The following SCFD2 variants were observed in gnomAD, a reference collection of about 807,000 sequenced individuals.
SCFD2 encodes sec1 family domain containing 2.
A neutral mutation model predicts 58.9 loss-of-function variants in SCFD2; 54 were observed. That is an observed-to-expected ratio of 0.92 (90% CI 0.74 to 1.15). The LOEUF is 1.15. Among genes scored for constraint, SCFD2 ranks in the 50% most tolerant of loss-of-function variants. SCFD2 has a pLI of 0.00. For missense variants in SCFD2, 805 were observed against 836.6 expected (o/e 0.96, Z 0.47); for synonymous variants, 321 against 335.9 (o/e 0.96, Z 0.49).
At chr4:52,928,359 G>A (rs1282171733) in intron 5 of SCFD2, among the ~76,000 whole-genome samples, 1 of 152,114 alleles carries the variant, frequency 6.6e-6, no homozygotes, top group Non-Finnish European at 1.5e-5. Flanking sequence ...TAGGTTGTCA[G>A]ACATCAGGTT....
chr4:52,947,527 A>G (rs987759575), intron 5 of SCFD2, among the ~76,000 whole-genome samples: 1 of 152,194 alleles, frequency 6.6e-6, no homozygotes, highest in African/African-American at 2.4e-5. Flanking sequence ...GAACAGACTC[A>G]TTATACATAT....
intron 5 of SCFD2, among the ~76,000 whole-genome samples, chr4:53,010,002 C>T (rs1159694857): frequency 4.6e-5 from 7 of 152,190 alleles, no homozygotes; most frequent in Non-Finnish European, 7.3e-5. Context: ...GCTTGGAGCA[C>T]ATCACCTTCT....
At chr4:53,095,047 T>C (rs1445637814) in intron 5 of SCFD2, among the ~76,000 whole-genome samples, 2 of 152,178 alleles carry the variant, frequency 1.3e-5, no homozygotes, top group Non-Finnish European at 2.9e-5. Context: ...TGGTTGCTGC[T>C]TCTCAATTTC....
chr4:53,361,303 C>T (rs932752142), intron 1 of SCFD2, among the ~76,000 whole-genome samples: 1 of 152,204 alleles, frequency 6.6e-6, no homozygotes, highest in Admixed American at 6.5e-5. Flanking sequence ...TAAGGAACAA[C>T]TTTTGAGCCT....
chr4:53,209,640 CTG>C (rs1055009081), intron 4 of SCFD2, among the ~76,000 whole-genome samples: 8 of 152,056 alleles, frequency 5.3e-5, no homozygotes, highest in Non-Finnish European at 1.2e-4. Flanking sequence ...TTGCTAGACA[CTG>C]TGTTAAGAGT....
At chr4:53,255,564 G>A (rs1456861201) in intron 4 of SCFD2, among the ~76,000 whole-genome samples, 4 of 152,008 alleles carry the variant, frequency 2.6e-5, no homozygotes, top group Admixed American at 6.5e-5. Flanking sequence ...CAAGGCAGAA[G>A]AATTTTTCTT....
At chr4:53,111,870 G>T (rs541229303) in intron 5 of SCFD2, among the ~76,000 whole-genome samples, 1 of 152,196 alleles carries the variant, frequency 6.6e-6, no homozygotes, top group South Asian at 2.1e-4. Flanking sequence ...GGGAGTAACT[G>T]CATGCTTGGC....
intron 8 of SCFD2, among the ~76,000 whole-genome samples, chr4:52,878,373 C>T (rs1032322660): frequency 6.6e-6 from 1 of 152,144 alleles, no homozygotes; most frequent in South Asian, 2.1e-4. Flanking sequence ...CCTCTCCATT[C>T]GATGAAAAAC....
At chr4:53,026,372 A>T (rs1332662666) in intron 5 of SCFD2, among the ~76,000 whole-genome samples, 1 of 152,238 alleles carries the variant, frequency 6.6e-6, no homozygotes, top group African/African-American at 2.4e-5. Flanking sequence ...TCCGACGCCT[A>T]GCACAATGCC....
chr4:53,007,960 T>A lies in SCFD2; in HGVS notation c.1562-87090A>T, dbSNP rs74665730. Among the ~76,000 whole-genome samples, 186 of 152,280 alleles carry A rather than the reference T, an allele frequency of 1.2e-3. 7 individuals are homozygous for A. The East Asian group carries it at 0.035, about 29-fold the overall frequency. Reference sequence around the variant, plus strand: ...AAGATGAACATGAGCTGGGCTCTAATGAATGATGTTCCTGGCTGGAGAGCA... The same window carrying A: ...AAGATGAACATGAGCTGGGCTCTAAAGAATGATGTTCCTGGCTGGAGAGCA... On this transcript the variant is annotated intron_variant, in intron 5 of 8. Coordinates refer to ENST00000401642, the MANE Select transcript of SCFD2 (RefSeq NM_152540.4).
Position 53,360,532 on chromosome 4 carries a change from A to C in SCFD2, c.838+4572T>G, listed in dbSNP as rs140799792. Reference sequence around the variant, plus strand: ...CATAAACCAGTAGATAGGCAAATACACTGGGCCCTGGCCATTCTGGCTTTA... The same window carrying C: ...CATAAACCAGTAGATAGGCAAATACCCTGGGCCCTGGCCATTCTGGCTTTA... On this transcript the variant is annotated intron_variant, in intron 1 of 8. Coordinates refer to ENST00000401642, the MANE Select transcript of SCFD2 (RefSeq NM_152540.4). Among the ~76,000 whole-genome samples the C allele has an allele frequency of 7.9e-3, 1,204 of 152,310 alleles. 13 individuals carry two copies. Among genetic ancestry groups the C allele is most frequent in the Middle Eastern group, 0.044 (13 of 294 alleles).
chr4:52,954,048 TCC>T (rs1228209120), intron 5 of SCFD2, among the ~76,000 whole-genome samples: 1 of 152,152 alleles, frequency 6.6e-6, no homozygotes, highest in Non-Finnish European at 1.5e-5. Context: ...ATGGGGACAT[TCC>T]AAGTACTCAT....
At chr4:53,272,454 A>G (rs1383185235) in intron 4 of SCFD2, among the ~76,000 whole-genome samples, 1 of 152,188 alleles carries the variant, frequency 6.6e-6, no homozygotes, top group Non-Finnish European at 1.5e-5. Flanking sequence ...ACCAACCCAA[A>G]TGTCCAACAA....
chr4:53,342,049 G>T (rs1733894814), intron 2 of SCFD2, among the ~76,000 whole-genome samples: 1 of 152,152 alleles, frequency 6.6e-6, no homozygotes, highest in Non-Finnish European at 1.5e-5. Context: ...ACTGCATCAA[G>T]TAATGGACAA....
intron 4 of SCFD2, among the ~76,000 whole-genome samples, chr4:53,258,411 T>A (rs1730715305): frequency 6.6e-6 from 1 of 151,810 alleles, no homozygotes; most frequent in Non-Finnish European, 1.5e-5. Context: ...AGTGAGAACA[T>A]AAGATGTTTG....
Position 53,334,025 on chromosome 4 carries a change from G to C in SCFD2, c.1007+18573C>G, listed in dbSNP as rs917460868. ...ATGCTCATTATCACTGGCCATCAGA[G>C]AAATGCAAATCAAAACCACAATGAG... is the stretch of plus-strand genomic sequence containing the variant. On this transcript the variant is annotated intron_variant, in intron 2 of 8. Coordinates refer to ENST00000401642, the MANE Select transcript of SCFD2 (RefSeq NM_152540.4). Among the ~76,000 whole-genome samples, 19 of 152,078 alleles carry C rather than the reference G, an allele frequency of 1.2e-4. 1 individual carries two copies. Among genetic ancestry groups the C allele is most frequent in the African/African-American group, 3.6e-4 (15 of 41,476 alleles).
intron 4 of SCFD2, among the ~76,000 whole-genome samples, chr4:53,244,978 C>T (rs1401043387): frequency 6.6e-6 from 1 of 151,912 alleles, no homozygotes; most frequent in Non-Finnish European, 1.5e-5. Flanking sequence ...ACTATGGACA[C>T]CTCTATGTAC....
intron 2 of SCFD2, among the ~76,000 whole-genome samples, chr4:53,320,127 A>C (rs1307747090): frequency 6.6e-6 from 1 of 152,250 alleles, no homozygotes; most frequent in African/African-American, 2.4e-5. Flanking sequence ...CCATTTCATA[A>C]GTGAAAAAAC....
chr4:52,964,384 T>A (rs1417185301), intron 5 of SCFD2, among the ~76,000 whole-genome samples: 1 of 152,204 alleles, frequency 6.6e-6, no homozygotes, highest in Non-Finnish European at 1.5e-5. Flanking sequence ...TAGTAACTGC[T>A]AATTGCTTTA....
Sources: gnomAD v4.1 joint callset for allele counts (sites outside exome capture counted in the v4.1 genomes callset) on GRCh38, gnomAD v4.1.1 for gene constraint, MANE v1.5 for transcripts, NCBI Gene and HGNC (gene_info 2026-07-23, HGNC 2026-07-21) for gene names.